Variants in GRK3 observed in about 807,000 individuals in gnomAD.
GRK3 encodes adrenergic, beta, receptor kinase 2.
GRK3 carries 54 observed loss-of-function variants against 95.7 expected under a neutral mutation model. That is an observed-to-expected ratio of 0.56 (90% CI 0.45 to 0.71). GRK3 has a LOEUF of 0.71. Among genes scored for constraint, GRK3 ranks in the 30% least tolerant of loss-of-function variants. GRK3 has a pLI of 0.00. For missense variants in GRK3, 649 were observed against 851.2 expected (o/e 0.76, Z 2.96); for synonymous variants, 281 against 290.8 (o/e 0.97, Z 0.34).
intron 1 of GRK3, among the ~76,000 whole-genome samples, chr22:25,582,604 G>A (rs1161528024): frequency 6.6e-6 from 1 of 152,140 alleles, no homozygotes; most frequent in Non-Finnish European, 1.5e-5. Flanking sequence ...TAAAACAATG[G>A]AGATTTGCTC....
intron 3 of GRK3, among the ~76,000 whole-genome samples, chr22:25,660,554 CT>C (rs1268218850): frequency 6.6e-6 from 1 of 152,170 alleles, no homozygotes. Context: ...TTCACGTACC[CT>C]TTTTCCCTCA....
intron 1 of GRK3, among the ~76,000 whole-genome samples, chr22:25,596,600 G>T (rs1192740246): frequency 6.6e-6 from 1 of 152,198 alleles, no homozygotes; most frequent in East Asian, 1.9e-4. Context: ...ATAATTAAAT[G>T]CAGGGGCAAG....
chr22:25,672,229 G>A lies in GRK3; in HGVS notation c.504-67G>A, dbSNP rs565783706. ...GTAATGCCGTTCTAGTCTGTCTTAC[G>A]GTGTTGTTTTGTAAATCCAGTTAAT... On this transcript the variant is annotated intron_variant, in intron 6 of 20. Coordinates refer to ENST00000324198, the MANE Select transcript of GRK3 (RefSeq NM_005160.4). 51 of 794,242 alleles carry A rather than the reference G, an allele frequency of 6.4e-5. No individual in the cohort carries two copies. The East Asian group carries it at 1.3e-3, about 20-fold the overall frequency. 49.2% of individuals were successfully genotyped at this position (794,242 alleles called of 1,614,324 possible).
At chr22:25,722,176 A>C (rs1190802974) in intron 20 of GRK3, 113 bp from the exon 21 acceptor site, 1 of 1,183,100 alleles carries the variant, frequency 8.5e-7, no homozygotes, top group East Asian at 2.4e-5. Flanking sequence ...GTGGACACGT[A>C]GGGTGTGCTT....
chr22:25,598,367 A>G (rs1476017453), intron 1 of GRK3, among the ~76,000 whole-genome samples: 3 of 152,098 alleles, frequency 2.0e-5, no homozygotes, highest in Non-Finnish European at 4.4e-5. Context: ...AAGCAGGTTC[A>G]GTGTTATTAA....
At chr22:25,665,554 ATTTGT>A (rs987647435) in intron 5 of GRK3, among the ~76,000 whole-genome samples, 17 of 152,102 alleles carry the variant, frequency 1.1e-4, no homozygotes, top group African/African-American at 4.1e-4. Flanking sequence ...CACTTTATTG[ATTTGT>A]TTTGTTCATT....
At position 25,690,241 on chromosome 22, in the gene GRK3, G is replaced by T; in HGVS notation, c.1010G>T (p.Gly337Val). 1.2e-6 allele frequency: 2 copies of T among 1,614,092 alleles called. No individual in the cohort carries two copies. Among genetic ancestry groups the T allele is most frequent in the Non-Finnish European group, 1.7e-6 (2 of 1,180,000 alleles). The change falls in exon 12 of 21, where the codon GGT (glycine) becomes GTT (valine). Residue 337 changes from glycine (G) to valine (V), a missense_variant. Physicochemically the swap from Gly to Val is moderately radical, Grantham distance 109. This residue lies in a region of GRK3 where 382 missense variants were observed against 493.8 expected (regional missense o/e 0.77). Transcript: ENST00000324198. ...GGACACGCAAGAATATCAGATCTTG[G>T]TCTTGCCTGCGATTTTTCCAAAAAG... The part of the protein sequence containing the change: ...EHGHARISDL[G>V]LACDFSKKKP...
At chr22:25,705,209 C>G (rs2085290724) in intron 15 of GRK3, among the ~76,000 whole-genome samples, 1 of 152,164 alleles carries the variant, frequency 6.6e-6, no homozygotes, top group Non-Finnish European at 1.5e-5. Context: ...CTGTAGCCTT[C>G]CCTTCCTCCA....
chr22:25,604,466 T>A lies in GRK3; in HGVS notation c.190+13T>A, dbSNP rs377411448. 3.1e-6 allele frequency: 5 copies of A among 1,590,238 alleles called. No homozygotes were observed. Among genetic ancestry groups the A allele is most frequent in the African/African-American group, 1.3e-5 (1 of 74,202 alleles). On this transcript the variant is annotated intron_variant, in intron 2 of 20. Transcript: ENST00000324198. The stretch of plus-strand genomic sequence containing the variant: ...AATCAGAAAATTGGTAAGTCCTGCT[T>A]GTTCATTTGGCATACGGTAATTTTA...
At chr22:25,586,228 C>G (rs1295541819) in intron 1 of GRK3, among the ~76,000 whole-genome samples, 1 of 152,262 alleles carries the variant, frequency 6.6e-6, no homozygotes, top group Non-Finnish European at 1.5e-5. Context: ...TTGCTGATGT[C>G]TCTTCAAGGG....
At chr22:25,576,166 T>C (rs914686142) in intron 1 of GRK3, among the ~76,000 whole-genome samples, 2 of 151,838 alleles carry the variant, frequency 1.3e-5, no homozygotes, top group Admixed American at 6.6e-5. Flanking sequence ...GTGCCCAGCG[T>C]CTGTGTGGCT....
rs1379906840 is a variant in GRK3 at position 25,618,085 on chromosome 22, C to CT, written c.190+13640dup. On this transcript the variant is annotated intron_variant, in intron 2 of 20. Transcript: ENST00000324198. ...AACATGCCCAGCCAGGATTTTGTTTCTTTTTTTTGCTGAATATTATTTTAC... is the reference window on the plus strand; with the variant it reads ...AACATGCCCAGCCAGGATTTTGTTTCTTTTTTTTTGCTGAATATTATTTTAC... Among the ~76,000 whole-genome samples, 10 of 152,062 alleles carry CT rather than the reference C, an allele frequency of 6.6e-5. No individual in the cohort carries two copies. The South Asian group carries it at 1.2e-3, about 19-fold the overall frequency.
intron 15 of GRK3, 109 bp from the exon 16 acceptor site, chr22:25,709,789 A>G (rs192545248): frequency 3.1e-5 from 23 of 751,232 alleles, no homozygotes; most frequent in Non-Finnish European, 4.8e-5. Flanking sequence ...CTTAAAGGAA[A>G]AAGTGGAAAT....
chr22:25,710,352 A>C (rs1248465909), intron 16 of GRK3, among the ~76,000 whole-genome samples: 1 of 152,142 alleles, frequency 6.6e-6, no homozygotes, highest in Non-Finnish European at 1.5e-5. Context: ...TTTTACATAG[A>C]TCTCTATAAA....
Position 25,572,427 on chromosome 22 carries a change from C to T in GRK3, c.113+7274C>T, listed in dbSNP as rs569177652. Among the ~76,000 whole-genome samples, 101 of 152,280 alleles carry T rather than the reference C, an allele frequency of 6.6e-4. 2 individuals are homozygous for T. In the South Asian group the frequency reaches 0.018, roughly 28 times the overall value. ...TTCTAGTTCTAGATCTTTGAGGAAT[C>T]GCCACAGTCTTCCACAATGGTTGAA... On this transcript the variant is annotated intron_variant, in intron 1 of 20. Coordinates refer to ENST00000324198, the MANE Select transcript of GRK3 (RefSeq NM_005160.4).
At chr22:25,711,795 C>T (rs1301057329) in intron 17 of GRK3, among the ~76,000 whole-genome samples, 3 of 152,140 alleles carry the variant, frequency 2.0e-5, no homozygotes, top group Non-Finnish European at 4.4e-5. Context: ...CTACCCCCTG[C>T]CCCCGGGCCT....
chr22:25,625,937 C>T (rs970903277), intron 2 of GRK3, among the ~76,000 whole-genome samples: 2 of 152,204 alleles, frequency 1.3e-5, no homozygotes, highest in Non-Finnish European at 2.9e-5. Context: ...TTACCCTGCC[C>T]TTTTTGCTTT....
At chr22:25,574,568 T>C (rs1302694864) in intron 1 of GRK3, among the ~76,000 whole-genome samples, 1 of 152,246 alleles carries the variant, frequency 6.6e-6, no homozygotes, top group African/African-American at 2.4e-5. Flanking sequence ...ATTGCAGACT[T>C]TCATTTTCCT....
chr22:25,585,479 C>G (rs1226691689), intron 1 of GRK3, among the ~76,000 whole-genome samples: 3 of 151,668 alleles, frequency 2.0e-5, no homozygotes, highest in Non-Finnish European at 2.9e-5. Context: ...TTCAACTGAC[C>G]TCATATATAT....
Sources: gnomAD v4.1 joint callset for allele counts (sites outside exome capture counted in the v4.1 genomes callset) on GRCh38, gnomAD v4.1.1 for gene constraint, gnomAD v4.1.1 regional missense constraint, MANE v1.5 for transcripts, NCBI Gene and HGNC (gene_info 2026-07-23, HGNC 2026-07-21) for gene names.